The following TBX18 variants were observed in gnomAD, a reference collection of about 807,000 sequenced individuals.
TBX18 encodes the protein T-box transcription factor 18.
In TBX18, 21 loss-of-function variants were observed where a neutral mutation model predicts 55.0. The observed-to-expected ratio is 0.38, with a 90% CI of 0.27 to 0.55. The LOEUF (loss-of-function observed/expected upper bound fraction) is 0.55. Ranked by LOEUF, TBX18 falls within the 20% of genes least tolerant of loss-of-function variation. TBX18 has a pLI of 0.73. For synonymous variants in TBX18, 342 were observed against 326.1 expected, an observed-to-expected ratio of 1.05 and a Z score of -0.53; for missense variants, 840 against 799.6, an observed-to-expected ratio of 1.05 and a Z score of -0.61.
At chr6:84,752,869 C>A (rs1043729973) in intron 4 of TBX18, among the ~76,000 whole-genome samples, 1 of 152,100 alleles carries the variant, frequency 6.6e-6, no homozygotes, top group African/African-American at 2.4e-5. Context: ...GCCACAGCAC[C>A]GTGGGTACAA....
At chr6:84,755,690 G>A (rs112896620) in intron 4 of TBX18, among the ~76,000 whole-genome samples, 1 of 152,062 alleles carries the variant, frequency 6.6e-6, no homozygotes, top group South Asian at 2.1e-4. Flanking sequence ...AAACACTGGC[G>A]GTGTGAGATC....
intron 5 of TBX18, 33 bp from the exon 6 acceptor site, chr6:84,744,358 A>AT (rs745614744): frequency 6.3e-7 from 1 of 1,593,594 alleles, no homozygotes; most frequent in Admixed American, 1.7e-5. Context: ...ATCAAATCTT[A>AT]TATAAATGTC....
rs934680969 is a variant in TBX18 at position 84,733,575 on chromosome 6, T to C, written c.*3110A>G. Reference sequence around the variant, plus strand: ...AAGTTTATGAAATGATTATTTTTAATGCTCTGCACCAGGACTTCATGGGAC... The same window carrying C: ...AAGTTTATGAAATGATTATTTTTAACGCTCTGCACCAGGACTTCATGGGAC... On this transcript the variant is annotated 3_prime_UTR_variant, in exon 8 of 8. Transcript: ENST00000369663. 6.6e-6 allele frequency: 1 copy of C among 152,184 alleles called. No homozygotes were observed. The highest frequency in any genetic ancestry group is 1.5e-5 in the Non-Finnish European group (1 of 68,040). The allele number at this position is 152,184 out of a possible 1,614,324, so 9.4% of individuals were successfully genotyped here. A position where few individuals can be genotyped will look rare whatever the true frequency, so the allele number is the denominator to read the frequency against.
chr6:84,752,072 T>G (rs2127877577), intron 4 of TBX18, among the ~76,000 whole-genome samples: 1 of 152,314 alleles, frequency 6.6e-6, no homozygotes. Context: ...TTAGAATGAT[T>G]ATTTTCTTTT....
chr6:84,763,424 C>A, intron 1 of TBX18: 1 of 459,526 alleles, frequency 2.2e-6, no homozygotes, highest in Non-Finnish European at 4.4e-6. Flanking sequence ...GCTCAACTAC[C>A]CTTCGGGAAA....
intron 4 of TBX18, 116 bp downstream of exon 4, chr6:84,756,582 A>G (rs527683884): frequency 1.0e-6 from 1 of 1,003,198 alleles, no homozygotes; most frequent in African/African-American, 1.6e-5. Context: ...CAGTGTACAT[A>G]CTAATCAATC....
chr6:84,762,887 C>T, intron 1 of TBX18, 139 bp from the exon 2 acceptor site: 1 of 781,652 alleles, frequency 1.3e-6, no homozygotes, highest in Non-Finnish European at 2.1e-6. Flanking sequence ...TCAGGTCCTC[C>T]TAAAGAACAA....
chr6:84,756,642 A>G (rs561111925), intron 4 of TBX18, 56 bp downstream of exon 4: 77 of 1,511,376 alleles, frequency 5.1e-5, no homozygotes, highest in Non-Finnish European at 6.4e-5. Context: ...TTAGTCAGGC[A>G]CAGTGTAGAT....
At chr6:84,741,052 A>G (rs1392688572) in intron 6 of TBX18, 4 of 152,244 alleles carry the variant, frequency 2.6e-5, no homozygotes. Context: ...GATTTGGAGC[A>G]ATCGATATTT....
chr6:84,752,135 C>T (rs1327382010), intron 4 of TBX18, among the ~76,000 whole-genome samples: 1 of 151,690 alleles, frequency 6.6e-6, no homozygotes, highest in South Asian at 2.1e-4. Flanking sequence ...ACTGCATTTG[C>T]AGTACAGGCT....
At chr6:84,758,635 T>C (rs10455437) in intron 3 of TBX18, among the ~76,000 whole-genome samples, 1 of 151,872 alleles carries the variant, frequency 6.6e-6, no homozygotes, top group Non-Finnish European at 1.5e-5. Flanking sequence ...ATCTTAGAGA[T>C]TCAAGAAAAA....
rs183733425 is a variant in TBX18 at position 84,763,011 on chromosome 6, C to T, written c.293-263G>A. The T allele has an allele frequency of 3.2e-3, 1,728 of 540,154 alleles. 6 individuals are homozygous for T. Among genetic ancestry groups the T allele is most frequent in the Non-Finnish European group, 4.2e-3 (1,289 of 303,904 alleles). The allele number at this position is 540,154 out of a possible 1,614,324, so 33.5% of individuals were successfully genotyped here. A position where few individuals can be genotyped will look rare whatever the true frequency, so the allele number is the denominator to read the frequency against. ...GGGAGAGGCGCGCGGGCAGCGTCCA[C>T]CCCACCCGCTGGGCCTCCGCAGGGC... On this transcript the variant is annotated intron_variant, in intron 1 of 7. Coordinates refer to ENST00000369663, the MANE Select transcript of TBX18 (RefSeq NM_001080508.3).
At chr6:84,742,375 A>G (rs1767068803) in intron 6 of TBX18, 1 of 152,190 alleles carries the variant, frequency 6.6e-6, no homozygotes, top group Non-Finnish European at 1.5e-5. Flanking sequence ...TGAACTCGCC[A>G]TATCAAACAA....
rs976810100 is a variant in TBX18 at position 84,735,657 on chromosome 6, T to C, written c.*1028A>G. 2 of 152,206 alleles carry C rather than the reference T, an allele frequency of 1.3e-5. No homozygotes were observed. Among genetic ancestry groups the C allele is most frequent in the African/African-American group, 4.8e-5 (2 of 41,458 alleles). The allele number at this position is 152,206 out of a possible 1,614,324, so 9.4% of individuals were successfully genotyped here. A position where few individuals can be genotyped will look rare whatever the true frequency, so the allele number is the denominator to read the frequency against. ...AATTACAAGATATAAATAAGTAGCA[T>C]AAATGCATTTTTTTTACTTATATAC... On this transcript the variant is annotated 3_prime_UTR_variant, in exon 8 of 8. Coordinates refer to ENST00000369663, the MANE Select transcript of TBX18 (RefSeq NM_001080508.3).
At chr6:84,757,793 A>T (rs1767535100) in intron 3 of TBX18, among the ~76,000 whole-genome samples, 1 of 151,920 alleles carries the variant, frequency 6.6e-6, no homozygotes, top group South Asian at 2.1e-4. Context: ...TAAGCTAATT[A>T]AAAAACTAGA....
intron 4 of TBX18, among the ~76,000 whole-genome samples, chr6:84,750,971 G>A (rs190750186): frequency 6.6e-6 from 1 of 152,274 alleles, no homozygotes; most frequent in Admixed American, 6.5e-5. Flanking sequence ...GAGCAGGGGA[G>A]TTTAAGGGAG....
At chr6:84,747,183 T>C (rs1205742106) in intron 5 of TBX18, among the ~76,000 whole-genome samples, 6 of 149,266 alleles carry the variant, frequency 4.0e-5, no homozygotes, top group Admixed American at 3.3e-4. Flanking sequence ...ACCACTGAAA[T>C]TGAAAAAAAA....
intron 5 of TBX18, among the ~76,000 whole-genome samples, chr6:84,747,521 T>C (rs1767228439): frequency 6.6e-6 from 1 of 152,210 alleles, no homozygotes; most frequent in Non-Finnish European, 1.5e-5. Flanking sequence ...CTATACAGGA[T>C]AAATGTTTCT....
chr6:84,747,149 T>C (rs942007653), intron 5 of TBX18, among the ~76,000 whole-genome samples: 1 of 150,500 alleles, frequency 6.6e-6, no homozygotes, highest in African/African-American at 2.5e-5. Flanking sequence ...TAAAGAGAAA[T>C]GGAGACCCAG....
Sources: allele counts gnomAD v4.1 joint callset (sites outside exome capture counted in the v4.1 genomes callset), GRCh38; gene constraint gnomAD v4.1.1; transcripts MANE v1.5; gene names NCBI Gene and HGNC (gene_info 2026-07-23, HGNC 2026-07-21).